Variants in UNC5B observed in about 807,000 individuals in gnomAD.
UNC5B encodes unc-5 netrin receptor B, also known as netrin receptor UNC5B.
Under a neutral mutation model 103.7 loss-of-function variants are expected in UNC5B, and 56 were observed. The observed-to-expected ratio is 0.54, with a 90% CI of 0.44 to 0.67. The LOEUF (loss-of-function observed/expected upper bound fraction) is 0.67, where lower values mean the gene tolerates loss of function less well. Among genes scored for constraint, UNC5B ranks in the 30% least tolerant of loss-of-function variants. UNC5B has a pLI of 0.00. For synonymous variants in UNC5B, 577 were observed against 542.0 expected, an observed-to-expected ratio of 1.06 and a Z score of -0.90; for missense variants, 1,194 against 1,284.5, an observed-to-expected ratio of 0.93 and a Z score of 1.08.
At chr10:71,237,647 G>C (rs1330117771) in intron 1 of UNC5B, among the ~76,000 whole-genome samples, 1 of 152,242 alleles carries the variant, frequency 6.6e-6, no homozygotes, top group African/African-American at 2.4e-5. Flanking sequence ...GCAGCACCTA[G>C]TGTGAAGGAG....
rs79668224 is a variant in UNC5B at position 71,265,887 on chromosome 10, C to T, written c.80-13934C>T. Among the ~76,000 whole-genome samples, 1,433 of 152,258 alleles carry T rather than the reference C, an allele frequency of 9.4e-3. 42 individuals are homozygous for T. Among genetic ancestry groups the T allele is most frequent in the East Asian group, 0.08 (413 of 5,162 alleles). The stretch of plus-strand genomic sequence containing the variant: ...GCTGGCCACATGCCTTAGTGTGATG[C>T]CACACTTTCTTTCACACCTCTGGCC... On this transcript the variant is annotated intron_variant, in intron 1 of 16. Transcript: ENST00000335350.
intron 1 of UNC5B, among the ~76,000 whole-genome samples, chr10:71,237,483 A>G (rs1843798768): frequency 1.3e-5 from 2 of 152,216 alleles, no homozygotes; most frequent in Non-Finnish European, 2.9e-5. Context: ...CTTACTGACC[A>G]TGTGCCCTTG....
chr10:71,267,382 T>C (rs1003151359), intron 1 of UNC5B, among the ~76,000 whole-genome samples: 1 of 152,200 alleles, frequency 6.6e-6, no homozygotes, highest in Non-Finnish European at 1.5e-5. Context: ...AGTTAAAGCC[T>C]GCTTCCTAGA....
In UNC5B at chr10:71,225,371, A is replaced by G. The variant is rs970289837; in HGVS notation, c.79+12307A>G. Among the ~76,000 whole-genome samples the G allele has an allele frequency of 3.1e-4, 47 of 152,336 alleles. 1 individual carries two copies. The highest frequency in any genetic ancestry group is 3.4e-3 in the Middle Eastern group (1 of 294). Reference sequence around the variant, plus strand: ...CTGTGTGGCAGGGATGAGAGGGCCCACGTGCCCATTTCCCTGGCACCTCCC... The same window carrying G: ...CTGTGTGGCAGGGATGAGAGGGCCCGCGTGCCCATTTCCCTGGCACCTCCC... On this transcript the variant is annotated intron_variant, in intron 1 of 16. Coordinates refer to ENST00000335350, the MANE Select transcript of UNC5B (RefSeq NM_170744.5).
intron 8 of UNC5B, among the ~76,000 whole-genome samples, chr10:71,289,741 A>G (rs1845196874): frequency 6.6e-6 from 1 of 152,120 alleles, no homozygotes; most frequent in African/African-American, 2.4e-5. Context: ...TGGGGGAACC[A>G]TTTCTCTGCT....
Position 71,288,623 on chromosome 10 carries a change from C to G in UNC5B, c.957C>G (p.Ala319=). ...SKWSACSTEC[A]HWRSRECMAP... ...GGTCAGCCTGCAGCACTGAGTGTGC[C>G]CACTGGCGTAGCCGCGAGTGCATGG... Residue 319 remains alanine (A), a synonymous_variant, in exon 7 of 17, where the codon GCC becomes GCG. Coordinates refer to ENST00000335350, the MANE Select transcript of UNC5B (RefSeq NM_170744.5). 1 of 1,614,028 alleles carries G rather than the reference C, an allele frequency of 6.2e-7. No homozygotes were observed.
At chr10:71,220,282 G>A (rs1177093482) in intron 1 of UNC5B, among the ~76,000 whole-genome samples, 1 of 152,236 alleles carries the variant, frequency 6.6e-6, no homozygotes, top group Non-Finnish European at 1.5e-5. Flanking sequence ...ATCATATTGG[G>A]GGTGGAGACA....
intron 1 of UNC5B, among the ~76,000 whole-genome samples, chr10:71,252,780 G>T (rs1161186316): frequency 6.6e-6 from 1 of 152,182 alleles, no homozygotes; most frequent in African/African-American, 2.4e-5. Context: ...GAAGGCATTG[G>T]TAGCAGTGAA....
intron 1 of UNC5B, among the ~76,000 whole-genome samples, chr10:71,224,018 AT>A (rs1843505639): frequency 6.6e-6 from 1 of 152,154 alleles, no homozygotes; most frequent in Non-Finnish European, 1.5e-5. Flanking sequence ...TCTTTGGGAG[AT>A]TAAACATCCC....
chr10:71,290,084 A>G (rs1344550947), intron 8 of UNC5B, among the ~76,000 whole-genome samples: 1 of 152,218 alleles, frequency 6.6e-6, no homozygotes, highest in Non-Finnish European at 1.5e-5. Flanking sequence ...GTTCAAACTT[A>G]TACTTAGCTT....
chr10:71,267,007 C>T (rs1554864909), intron 1 of UNC5B, among the ~76,000 whole-genome samples: 1 of 151,224 alleles, frequency 6.6e-6, no homozygotes, highest in Admixed American at 6.6e-5. Context: ...ATTATCAGAT[C>T]GAAAAAAAAA....
At chr10:71,260,430 C>T (rs1215331859) in intron 1 of UNC5B, among the ~76,000 whole-genome samples, 2 of 152,212 alleles carry the variant, frequency 1.3e-5, no homozygotes, top group Admixed American at 6.5e-5. Flanking sequence ...GCCTTGTTTC[C>T]TAATTAAAGT....
intron 1 of UNC5B, among the ~76,000 whole-genome samples, chr10:71,242,490 T>G (rs1174543715): frequency 1.3e-5 from 2 of 152,328 alleles, no homozygotes; most frequent in East Asian, 3.9e-4. Context: ...CAGTCAGGTC[T>G]GCCCCCCTCT....
chr10:71,227,659 T>TATATAC (rs1564707009), intron 1 of UNC5B, among the ~76,000 whole-genome samples: 4 of 145,584 alleles, frequency 2.7e-5, no homozygotes, highest in African/African-American at 1.0e-4. Flanking sequence ...TATATATACA[T>TATATAC]ATATATACAC....
intron 1 of UNC5B, among the ~76,000 whole-genome samples, chr10:71,272,145 G>T (rs1243779943): frequency 6.6e-6 from 1 of 152,166 alleles, no homozygotes; most frequent in Non-Finnish European, 1.5e-5. Flanking sequence ...CATCAGCCAC[G>T]CAGTGAATGG....
chr10:71,230,363 T>A (rs1218843410), intron 1 of UNC5B, among the ~76,000 whole-genome samples: 1 of 152,086 alleles, frequency 6.6e-6, no homozygotes, highest in Non-Finnish European at 1.5e-5. Context: ...GCCAAGCAGG[T>A]TGAAGACAGG....
chr10:71,273,487 C>G (rs552637707), intron 1 of UNC5B, among the ~76,000 whole-genome samples: 1 of 152,324 alleles, frequency 6.6e-6, no homozygotes, highest in Non-Finnish European at 1.5e-5. Flanking sequence ...TGGAGCCACC[C>G]CCTCCTCTGA....
intron 1 of UNC5B, among the ~76,000 whole-genome samples, chr10:71,269,870 G>C (rs1047804423): frequency 6.6e-6 from 1 of 152,184 alleles, no homozygotes; most frequent in African/African-American, 2.4e-5. Flanking sequence ...GTCAGGGAAG[G>C]CCTCACTGGA....
intron 2 of UNC5B, among the ~76,000 whole-genome samples, chr10:71,280,841 A>G (rs910125843): frequency 6.6e-6 from 1 of 151,584 alleles, no homozygotes; most frequent in Non-Finnish European, 1.5e-5. Context: ...AGACAGGCAG[A>G]TGGGACCCCC....
Sources: gnomAD v4.1 joint callset for allele counts (sites outside exome capture counted in the v4.1 genomes callset) on GRCh38, gnomAD v4.1.1 for gene constraint, MANE v1.5 for transcripts, NCBI Gene and HGNC (gene_info 2026-07-23, HGNC 2026-07-21) for gene names.